The following ADAP1 variants were observed in gnomAD, a reference collection of about 807,000 sequenced individuals.
The protein encoded by ADAP1 is ArfGAP with dual PH domains 1, also known as arf-GAP with dual PH domain-containing protein 1.
In ADAP1, 31 loss-of-function variants were observed where a neutral mutation model predicts 54.9. The observed-to-expected ratio is 0.56, with a 90% CI of 0.42 to 0.76. The LOEUF (loss-of-function observed/expected upper bound fraction) is 0.76, where lower values mean the gene tolerates loss of function less well. ADAP1 is among the 30% of genes least tolerant of loss of function. The probability of loss-of-function intolerance (pLI) is 0.00; values close to 1 mark genes in which losing one functional copy is unlikely to be tolerated. For missense variants in ADAP1, 535 were observed against 512.4 expected, an observed-to-expected ratio of 1.04 and a Z score of -0.42; for synonymous variants, 313 against 202.6, an observed-to-expected ratio of 1.55 and a Z score of -4.63.
At chr7:909,164 C>T (rs1326882922) in intron 4 of ADAP1, among the ~76,000 whole-genome samples, 1 of 140,698 alleles carries the variant, frequency 7.1e-6, no homozygotes, top group Non-Finnish European at 1.6e-5. Flanking sequence ...CCGGTCCTCC[C>T]GACAGCAGGC....
intron 1 of ADAP1, among the ~76,000 whole-genome samples, chr7:953,204 T>C (rs904757330): frequency 6.6e-6 from 1 of 152,164 alleles, no homozygotes; most frequent in Non-Finnish European, 1.5e-5. Context: ...CACCGCACCA[T>C]TGCACGGGCC....
At position 920,274 on chromosome 7, in the gene ADAP1, C is replaced by T. The variant is rs1157795845; in HGVS notation, c.306-224G>A. Among the ~76,000 whole-genome samples, 1 of 152,064 alleles carries T rather than the reference C, an allele frequency of 6.6e-6. No individual in the cohort carries two copies. The highest frequency in any genetic ancestry group is 1.5e-5 in the Non-Finnish European group (1 of 67,994). ...GTTTATTGGTTTCTTGTGCGTTCGGCCCCCGGAGCATCAGGCCTCACGTTC... is the reference window on the plus strand; with the variant it reads ...GTTTATTGGTTTCTTGTGCGTTCGGTCCCCGGAGCATCAGGCCTCACGTTC... On this transcript the variant is annotated intron_variant, in intron 3 of 10. Transcript: ENST00000265846. This position sits in a 1 kb window ranked among gnomAD's most constrained non-coding sequence, Gnocchi z 4.5.
chr7:928,822 T>C (rs1319647499), intron 2 of ADAP1, among the ~76,000 whole-genome samples: 2 of 152,188 alleles, frequency 1.3e-5, no homozygotes, highest in Non-Finnish European at 2.9e-5. Flanking sequence ...AGAGTTACCA[T>C]AGAGTCCAGC....
In ADAP1 at chr7:920,171, G is replaced by A; in HGVS notation, c.306-121C>T. The A allele has an allele frequency of 2.5e-6, 2 of 797,706 alleles. No homozygotes were observed. The highest frequency in any genetic ancestry group is 5.6e-5 in the East Asian group (2 of 35,896). 49.4% of individuals were successfully genotyped at this position (797,706 alleles called of 1,614,324 possible). A position where few individuals can be genotyped will look rare whatever the true frequency, so the allele number is the denominator to read the frequency against. ...TCATAGGGACCCCCGGCAGACTCGA[G>A]CCGCCCCTCTGGGCACAAGATCCCG... On this transcript the variant is annotated intron_variant, in intron 3 of 10. Transcript: ENST00000265846. The surrounding 1 kb of genome is among the most constrained non-coding windows in gnomAD (Gnocchi z 4.5).
intron 6 of ADAP1, 52 bp from the exon 7 acceptor site, chr7:900,668 G>C (rs1179263915): frequency 8.0e-6 from 11 of 1,376,748 alleles, no homozygotes; most frequent in Non-Finnish European, 1.1e-5. Flanking sequence ...CAGCGCTGGG[G>C]TCCCCACAGA....
intron 2 of ADAP1, among the ~76,000 whole-genome samples, chr7:934,274 C>T (rs111848954): frequency 0.055 from 4,693 of 86,096 alleles, 285 homozygotes; most frequent in South Asian, 0.11. Flanking sequence ...GCTGGAGAGC[C>T]GGGGACTGGG....
chr7:908,665 G>A (rs1199968427), intron 4 of ADAP1, among the ~76,000 whole-genome samples: 1 of 152,194 alleles, frequency 6.6e-6, no homozygotes, highest in Non-Finnish European at 1.5e-5. Context: ...CCACGGCTCT[G>A]CCTCCGACAT....
intron 2 of ADAP1, among the ~76,000 whole-genome samples, chr7:929,402 C>T (rs550316484): frequency 2.6e-5 from 4 of 151,680 alleles, no homozygotes; most frequent in South Asian, 2.1e-4. Flanking sequence ...ACGAATCGGC[C>T]GCACGTGGTG....
chr7:899,528 G>C (rs755401596), intron 8 of ADAP1, 38 bp from the exon 9 acceptor site: 1 of 1,598,506 alleles, frequency 6.3e-7, no homozygotes, highest in Non-Finnish European at 8.5e-7. Context: ...GCAGGTCGCC[G>C]AGGCAGGCCC....
At chr7:929,800 G>C (rs1411321473) in intron 2 of ADAP1, among the ~76,000 whole-genome samples, 2 of 151,988 alleles carry the variant, frequency 1.3e-5, no homozygotes, top group African/African-American at 4.8e-5. Context: ...CAACAAAGCT[G>C]TTATTAAAAA....
chr7:905,281 CGGACGGGGGACACGGACAGGG>C, intron 4 of ADAP1, 109 bp from the exon 5 acceptor site: 1 of 269,016 alleles, frequency 3.7e-6, no homozygotes, highest in Non-Finnish European at 6.1e-6. Flanking sequence ...ACGGGGGACA[CGGACGGGGGACACGGACAGGG>C]GGAGACGGAC....
intron 2 of ADAP1, chr7:935,148 T>A (rs1440010082): frequency 2.9e-6 from 2 of 684,578 alleles, no homozygotes; most frequent in African/African-American, 1.8e-5. Flanking sequence ...CACACACACC[T>A]GGAGCTGCTC....
At chr7:900,946 T>G (rs1313322284) in intron 6 of ADAP1, 8 of 552,330 alleles carry the variant, frequency 1.4e-5, no homozygotes, top group Middle Eastern at 2.9e-4. Context: ...TCTGTGGCCC[T>G]GGTGCTGCTG....
At chr7:927,186 T>C in intron 2 of ADAP1, 4 of 1,294,548 alleles carry the variant, frequency 3.1e-6, no homozygotes, top group Non-Finnish European at 4.1e-6. Flanking sequence ...ACCCAGAACA[T>C]GTTTACGAAA....
intron 4 of ADAP1, among the ~76,000 whole-genome samples, chr7:914,836 C>T (rs928198531): frequency 2.0e-5 from 3 of 152,222 alleles, no homozygotes; most frequent in South Asian, 2.1e-4. Context: ...GGCACTTGGC[C>T]GTCTGAAGCA....
intron 4 of ADAP1, among the ~76,000 whole-genome samples, chr7:906,763 G>T (rs1562915535): frequency 0.053 from 2,810 of 53,090 alleles, 226 homozygotes; most frequent in African/African-American, 0.11. Context: ...CATGGACAGG[G>T]GACATGGGGG....
chr7:932,774 G>A (rs901557246), intron 2 of ADAP1, among the ~76,000 whole-genome samples: 10 of 152,172 alleles, frequency 6.6e-5, no homozygotes, highest in African/African-American at 1.9e-4. Flanking sequence ...AAGGTGGGTC[G>A]AAGGCGGTGA....
At chr7:909,179 G>GGA (rs1562917919) in intron 4 of ADAP1, among the ~76,000 whole-genome samples, 5 of 127,682 alleles carry the variant, frequency 3.9e-5, no homozygotes, top group South Asian at 2.9e-4. Flanking sequence ...GCAGGCGCCA[G>GGA]CGGGAACCCC....
chr7:903,903 T>C (rs938045853), intron 6 of ADAP1: 1 of 542,532 alleles, frequency 1.8e-6, no homozygotes, highest in African/African-American at 2.0e-5. Context: ...GAAGCTGCCT[T>C]CCTGCACCTG....
Sources: allele counts gnomAD v4.1 joint callset (sites outside exome capture counted in the v4.1 genomes callset), GRCh38; gene constraint gnomAD v4.1.1; non-coding constraint Gnocchi (gnomAD v3.1); transcripts MANE v1.5; gene names NCBI Gene and HGNC (gene_info 2026-07-23, HGNC 2026-07-21).